The following CNNM2 variants were observed in gnomAD, a reference collection of about 807,000 sequenced individuals.
CNNM2 encodes cyclin and CBS domain divalent metal cation transport mediator 2, also known as metal transporter CNNM2.
CNNM2 carries 12 observed loss-of-function variants against 66.9 expected under a neutral mutation model. The observed-to-expected ratio is 0.18, with a 90% CI of 0.11 to 0.29. CNNM2 has a LOEUF of 0.29. Ranked by LOEUF, CNNM2 falls within the 10% of genes least tolerant of loss-of-function variation. The pLI is 1.00. For missense variants in CNNM2, 705 were observed against 1,167.7 expected, an observed-to-expected ratio of 0.60 and a Z score of 5.77; for synonymous variants, 557 against 501.8, an observed-to-expected ratio of 1.11 and a Z score of -1.47.
chr10:103,002,510 G>A (rs932499350), intron 1 of CNNM2, among the ~76,000 whole-genome samples: 11 of 135,228 alleles, frequency 8.1e-5, no homozygotes, highest in East Asian at 2.2e-4. Flanking sequence ...ACAGAGTTTC[G>A]CTTTTGTCGC....
chr10:103,058,632 G>A (rs2134344736), intron 4 of CNNM2, among the ~76,000 whole-genome samples: 1 of 152,258 alleles, frequency 6.6e-6, no homozygotes, highest in East Asian at 1.9e-4. Flanking sequence ...ATATTTACCT[G>A]TATTTGTATA....
intron 1 of CNNM2, among the ~76,000 whole-genome samples, chr10:102,997,048 C>G (rs2064017259): frequency 6.6e-6 from 1 of 152,226 alleles, no homozygotes; most frequent in Admixed American, 6.5e-5. Context: ...CCTCTCCTTT[C>G]TAGACATACT....
At chr10:102,920,155 C>A in intron 1 of CNNM2, 54 bp downstream of exon 1, 1 of 1,613,632 alleles carries the variant, frequency 6.2e-7, no homozygotes, top group South Asian at 1.1e-5. Context: ...CCATCCTCCT[C>A]CCTACTTGAG....
chr10:103,020,919 T>C (rs993976760), intron 1 of CNNM2, among the ~76,000 whole-genome samples: 1 of 152,026 alleles, frequency 6.6e-6, no homozygotes, highest in Non-Finnish European at 1.5e-5. Context: ...AGTGAGATAA[T>C]GGATAGGTTG....
At chr10:102,934,780 G>C (rs546123983) in intron 1 of CNNM2, among the ~76,000 whole-genome samples, 1 of 151,416 alleles carries the variant, frequency 6.6e-6, no homozygotes, top group Non-Finnish European at 1.5e-5. Context: ...GGAGTTCAAG[G>C]CTGCAGTGAG....
chr10:103,054,203 A>G lies in CNNM2; in HGVS notation c.1766-126A>G. The G allele has an allele frequency of 9.2e-7, 1 of 1,082,416 alleles. No individual in the cohort carries two copies. Among genetic ancestry groups the G allele is most frequent in the Non-Finnish European group, 1.3e-6 (1 of 752,376 alleles). 67.1% of individuals were successfully genotyped at this position (1,082,416 alleles called of 1,614,324 possible). A position where few individuals can be genotyped will look rare whatever the true frequency, so the allele number is the denominator to read the frequency against. ...CCCTCCTTCCCCGTGGCATCTGTGC[A>G]TAGAGCGCCTGCATCTGGAAATACA... On this transcript the variant is annotated intron_variant, in intron 2 of 7. Coordinates refer to ENST00000369878, the MANE Select transcript of CNNM2 (RefSeq NM_017649.5). The surrounding 1 kb of genome is among the most constrained non-coding windows in gnomAD (Gnocchi z 5.2).
chr10:102,922,141 T>G (rs1000537468), intron 1 of CNNM2, among the ~76,000 whole-genome samples: 3 of 152,214 alleles, frequency 2.0e-5, no homozygotes, highest in African/African-American at 7.2e-5. Context: ...TTAACTAGAA[T>G]GATGTATTTG....
At chr10:102,964,736 T>G (rs1475508173) in intron 1 of CNNM2, among the ~76,000 whole-genome samples, 5 of 152,174 alleles carry the variant, frequency 3.3e-5, no homozygotes. Context: ...GGTCTTCTCA[T>G]CTTTAAAACA....
intron 1 of CNNM2, among the ~76,000 whole-genome samples, chr10:103,039,513 C>T (rs2065002436): frequency 6.6e-6 from 1 of 152,172 alleles, no homozygotes; most frequent in South Asian, 2.1e-4. Context: ...GTATTCATTA[C>T]AAAAATCTGA....
At chr10:103,000,381 C>T (rs1266686581) in intron 1 of CNNM2, among the ~76,000 whole-genome samples, 1 of 151,994 alleles carries the variant, frequency 6.6e-6, no homozygotes, top group Non-Finnish European at 1.5e-5. Context: ...TGAGTATATG[C>T]CAAAAATAGA....
chr10:102,940,091 T>A (rs1157831993), intron 1 of CNNM2, among the ~76,000 whole-genome samples: 2 of 152,130 alleles, frequency 1.3e-5, no homozygotes, highest in Non-Finnish European at 2.9e-5. Context: ...GAATTTATAC[T>A]CTTTTCCATT....
At chr10:103,031,986 C>T (rs1362259495) in intron 1 of CNNM2, among the ~76,000 whole-genome samples, 1 of 152,110 alleles carries the variant, frequency 6.6e-6, no homozygotes, top group Admixed American at 6.5e-5. Context: ...CACTGATGCA[C>T]GAGCATGAAG....
In CNNM2 at chr10:103,089,570, C is replaced by A; in HGVS notation, c.*12390C>A. On this transcript the variant is annotated 3_prime_UTR_variant, in exon 8 of 8. Coordinates refer to ENST00000369878, the MANE Select transcript of CNNM2 (RefSeq NM_017649.5). Reference sequence around the variant, plus strand: ...CTTTTCAGACGTACCTTTCATGGAGCCCCCTCCCTCCCCCGAGTAGAACCC... The same window carrying A: ...CTTTTCAGACGTACCTTTCATGGAGACCCCTCCCTCCCCCGAGTAGAACCC... 7.0e-7 allele frequency: 1 copy of A among 1,423,508 alleles called. No individual in the cohort carries two copies. The highest frequency in any genetic ancestry group is 9.2e-7 in the Non-Finnish European group (1 of 1,086,400). The allele number at this position is 1,423,508 out of a possible 1,614,324, so 88.2% of individuals were successfully genotyped here.
rs1010495409 is a variant in CNNM2 at position 103,077,474 on chromosome 10, C to T, written c.*294C>T. On this transcript the variant is annotated 3_prime_UTR_variant, in exon 8 of 8. Coordinates refer to ENST00000369878, the MANE Select transcript of CNNM2 (RefSeq NM_017649.5). ...TTCAGCTCTCCCTTTTATCATTATTCACACTCCTCTGCCCTCGATTTGCAT... is the reference window on the plus strand; with the variant it reads ...TTCAGCTCTCCCTTTTATCATTATTTACACTCCTCTGCCCTCGATTTGCAT... 7.4e-6 allele frequency: 3 copies of T among 406,842 alleles called. No homozygotes were observed. Among genetic ancestry groups the T allele is most frequent in the Admixed American group, 7.7e-5 (2 of 25,834 alleles). The allele number at this position is 406,842 out of a possible 1,614,324, so 25.2% of individuals were successfully genotyped here.
intron 1 of CNNM2, among the ~76,000 whole-genome samples, chr10:102,992,675 G>A (rs1023988328): frequency 6.6e-6 from 1 of 152,138 alleles, no homozygotes; most frequent in African/African-American, 2.4e-5. Flanking sequence ...CTACCTACTT[G>A]TGAATGGGAA....
At chr10:103,045,420 A>C (rs994965312) in intron 1 of CNNM2, among the ~76,000 whole-genome samples, 9 of 152,188 alleles carry the variant, frequency 5.9e-5, no homozygotes, top group African/African-American at 1.9e-4. Flanking sequence ...TAGACTGCCA[A>C]GTTAAGAAAG....
chr10:102,994,459 A>G (rs2063952262), intron 1 of CNNM2, among the ~76,000 whole-genome samples: 2 of 152,250 alleles, frequency 1.3e-5, no homozygotes, highest in South Asian at 4.1e-4. Context: ...TGGGGAACAC[A>G]TTAGTGAACA....
chr10:103,028,828 C>CTTTTTTTTTTTTT (rs34401079), intron 1 of CNNM2, among the ~76,000 whole-genome samples: 4 of 99,186 alleles, frequency 4.0e-5, no homozygotes, highest in East Asian at 3.0e-4. Flanking sequence ...TTTTTTTTTT[C>CTTTTTTTTTTTTT]TTTTTTTTTT....
At chr10:103,073,887 A>G (rs2065643764) in intron 6 of CNNM2, among the ~76,000 whole-genome samples, 1 of 151,572 alleles carries the variant, frequency 6.6e-6, no homozygotes, top group Non-Finnish European at 1.5e-5. Context: ...AAAAAAAAAA[A>G]AAAAAAAGAA....
Sources: gnomAD v4.1 joint callset for allele counts (sites outside exome capture counted in the v4.1 genomes callset) on GRCh38, gnomAD v4.1.1 for gene constraint, Gnocchi (gnomAD v3.1) non-coding constraint, MANE v1.5 for transcripts, NCBI Gene and HGNC (gene_info 2026-07-23, HGNC 2026-07-21) for gene names.